EYA1: variants seen among roughly 807,000 people sequenced by gnomAD.
EYA1 encodes EYA transcriptional coactivator and phosphatase 1, also known as protein phosphatase EYA1.
Under a neutral mutation model 82.0 loss-of-function variants are expected in EYA1, and 16 were observed. The ratio of observed to expected loss-of-function variants is 0.20; its 90% CI spans 0.13 to 0.30. The LOEUF (loss-of-function observed/expected upper bound fraction) is 0.30. Ranked by LOEUF, EYA1 falls within the 10% of genes least tolerant of loss-of-function variation. The pLI, the probability that EYA1 is intolerant of heterozygous loss-of-function variation, is 1.00. For missense variants in EYA1, 633 were observed against 730.7 expected (o/e 0.87, Z 1.54); for synonymous variants, 261 against 264.4 (o/e 0.99, Z 0.12).
At chr8:71,441,989 C>T (rs781731168) in intron 2 of EYA1, among the ~76,000 whole-genome samples, 21 of 152,200 alleles carry the variant, frequency 1.4e-4, no homozygotes, top group Non-Finnish European at 2.5e-4. Flanking sequence ...AGCAGGTCCT[C>T]ACCAGACACC....
intron 2 of EYA1, among the ~76,000 whole-genome samples, chr8:71,467,144 AAG>A (rs1279362690): frequency 1.3e-5 from 2 of 152,040 alleles, no homozygotes; most frequent in African/African-American, 2.4e-5. Flanking sequence ...AAACATGAGA[AAG>A]AGAATTATAC....
At chr8:71,259,509 G>C (rs1427064509) in intron 11 of EYA1, among the ~76,000 whole-genome samples, 1 of 152,220 alleles carries the variant, frequency 6.6e-6, no homozygotes, top group Admixed American at 6.5e-5. Context: ...GAGAAAGGTA[G>C]AGTTATGCGT....
At chr8:71,325,267 T>C (rs1823022604) in intron 4 of EYA1, among the ~76,000 whole-genome samples, 1 of 152,184 alleles carries the variant, frequency 6.6e-6, no homozygotes, top group African/African-American at 2.4e-5. Flanking sequence ...TGACAAACAT[T>C]CCACCACAGA....
intron 3 of EYA1, among the ~76,000 whole-genome samples, chr8:71,338,619 A>G (rs1217038969): frequency 6.6e-6 from 1 of 152,240 alleles, no homozygotes; most frequent in Non-Finnish European, 1.5e-5. Flanking sequence ...GAAGACTTCT[A>G]CATCTGCAGA....
chr8:71,354,996 C>G, intron 2 of EYA1, 87 bp from the exon 3 acceptor site: 1 of 1,308,876 alleles, frequency 7.6e-7, no homozygotes, highest in South Asian at 1.2e-5. Flanking sequence ...ACCTTTGAAA[C>G]ACACTTGCAC....
intron 9 of EYA1, among the ~76,000 whole-genome samples, chr8:71,296,827 A>T (rs1228718885): frequency 1.3e-5 from 2 of 152,130 alleles, no homozygotes; most frequent in African/African-American, 4.8e-5. Context: ...ATTATTTTAT[A>T]TACGACTACT....
chr8:71,510,206 AGACTCATGG>A (rs2129250374), intron 2 of EYA1, among the ~76,000 whole-genome samples: 1 of 152,296 alleles, frequency 6.6e-6, no homozygotes, highest in Non-Finnish European at 1.5e-5. Context: ...AAATGATGAG[AGACTCATGG>A]GTCAAATCTG....
rs77568082 is a variant in EYA1, at chr8:71,330,166, G to A, written c.202+3931C>T. Among the ~76,000 whole-genome samples the A allele has an allele frequency of 8.5e-3, 1,293 of 152,246 alleles. 16 individuals are homozygous for A. The highest frequency in any genetic ancestry group is 0.029 in the African/African-American group (1,196 of 41,536). On this transcript the variant is annotated intron_variant, in intron 4 of 17. Transcript: ENST00000340726. The stretch of plus-strand genomic sequence containing the variant: ...CTTTTTAAGGATTTGGCTTTTACCC[G>A]TAGAGCCGAATGGGAGCCTTTGGAG...
chr8:71,437,413 G>A (rs908918910), intron 2 of EYA1, among the ~76,000 whole-genome samples: 2 of 151,844 alleles, frequency 1.3e-5, no homozygotes, highest in Non-Finnish European at 2.9e-5. Context: ...GGAACCCAAA[G>A]ATCAGCCTCT....
chr8:71,497,239 C>T (rs1811484148), intron 2 of EYA1, among the ~76,000 whole-genome samples: 1 of 152,168 alleles, frequency 6.6e-6, no homozygotes, highest in African/African-American at 2.4e-5. Flanking sequence ...CAAAAAATCT[C>T]ATAATGTTTT....
At chr8:71,426,075 T>C (rs1805209755) in intron 2 of EYA1, among the ~76,000 whole-genome samples, 1 of 152,238 alleles carries the variant, frequency 6.6e-6, no homozygotes, top group African/African-American at 2.4e-5. Flanking sequence ...CTGGCTGATA[T>C]TTCAATAGTG....
chr8:71,493,164 T>C (rs955951763), intron 2 of EYA1, among the ~76,000 whole-genome samples: 3 of 152,376 alleles, frequency 2.0e-5, no homozygotes, highest in East Asian at 1.9e-4. Context: ...TAGTCTACCA[T>C]TGATTGGCAT....
intron 11 of EYA1, among the ~76,000 whole-genome samples, chr8:71,257,894 AT>A (rs916076837): frequency 2.0e-4 from 30 of 147,718 alleles, no homozygotes; most frequent in South Asian, 8.6e-4. Context: ...GTGGATCCTG[AT>A]TTTTTTTTTT....
At chr8:71,456,080 T>C (rs1807875034) in intron 2 of EYA1, among the ~76,000 whole-genome samples, 1 of 151,930 alleles carries the variant, frequency 6.6e-6, no homozygotes, top group Admixed American at 6.5e-5. Flanking sequence ...AAAATCAATG[T>C]GCAAAAATCA....
intron 9 of EYA1, among the ~76,000 whole-genome samples, chr8:71,280,478 C>A (rs1022214878): frequency 1.3e-5 from 2 of 152,220 alleles, no homozygotes; most frequent in African/African-American, 4.8e-5. Flanking sequence ...AAAATGAATT[C>A]TCCTCTCCTG....
At chr8:71,403,715 T>G (rs774420465) in intron 2 of EYA1, 3 of 152,152 alleles carry the variant, frequency 2.0e-5, no homozygotes, top group African/African-American at 7.2e-5. Context: ...CCCGAGGAGA[T>G]GTCTACTTTC....
chr8:71,538,551 A>G (rs1300734307), intron 1 of EYA1, among the ~76,000 whole-genome samples: 1 of 152,166 alleles, frequency 6.6e-6, no homozygotes, highest in Admixed American at 6.5e-5. Context: ...CTTAAGCAAA[A>G]CTGGTGACTT....
intron 12 of EYA1, among the ~76,000 whole-genome samples, chr8:71,231,703 A>G (rs1811218282): frequency 6.6e-6 from 1 of 152,256 alleles, no homozygotes; most frequent in Non-Finnish European, 1.5e-5. Context: ...AGTGAGCATG[A>G]GGACATTCAG....
chr8:71,407,797 T>C (rs1213295949), intron 2 of EYA1, among the ~76,000 whole-genome samples: 5 of 144,942 alleles, frequency 3.4e-5, no homozygotes, highest in South Asian at 2.3e-4. Flanking sequence ...GAAAACACTC[T>C]GCAGGATATT....
Sources: gnomAD v4.1 joint callset for allele counts (sites outside exome capture counted in the v4.1 genomes callset) on GRCh38, gnomAD v4.1.1 for gene constraint, MANE v1.5 for transcripts, NCBI Gene and HGNC (gene_info 2026-07-23, HGNC 2026-07-21) for gene names.